PARM1: variants seen among roughly 807,000 people sequenced by gnomAD.
PARM1 encodes prostate androgen-regulated mucin-like protein 1, also known as WSC4, cell wall integrity and stress response component 4 homolog.
A neutral mutation model predicts 24.6 loss-of-function variants in PARM1; 14 were observed. The ratio of observed to expected loss-of-function variants is 0.57; its 90% CI spans 0.38 to 0.89. The LOEUF is 0.89. Among genes scored for constraint, PARM1 ranks in the 40% least tolerant of loss-of-function variants. The pLI is 0.00. For missense variants in PARM1, 362 were observed against 380.4 expected, an observed-to-expected ratio of 0.95 and a Z score of 0.40; for synonymous variants, 179 against 156.6, an observed-to-expected ratio of 1.14 and a Z score of -1.07.
At position 75,012,444 on chromosome 4, in the gene PARM1, G is replaced by A; in HGVS notation, c.63G>A (p.Leu21=). The part of the protein sequence containing the change: ...ILTAGWRVQS[L]PTSAPLSVSL... ...CCACAGGATGGAGGGTACAGAGTCTGCCTACATCAGCTCCTTTGTCTGTTT... is the reference window on the plus strand; with the variant it reads ...CCACAGGATGGAGGGTACAGAGTCTACCTACATCAGCTCCTTTGTCTGTTT... The change falls in exon 2 of 4, where the codon CTG becomes CTA. Residue 21 remains leucine, a synonymous_variant. Transcript: ENST00000307428. 6.2e-7 allele frequency: 1 copy of A among 1,613,792 alleles called. No individual in the cohort carries two copies. The highest frequency in any genetic ancestry group is 8.5e-7 in the Non-Finnish European group (1 of 1,179,824).
At chr4:74,974,352 G>T (rs997158422) in intron 1 of PARM1, among the ~76,000 whole-genome samples, 3 of 152,168 alleles carry the variant, frequency 2.0e-5, no homozygotes, top group African/African-American at 7.2e-5. Flanking sequence ...TGGGTCCCCA[G>T]GTCTCCACTG....
Position 74,937,662 on chromosome 4 carries a change from G to C in PARM1, c.43+4292G>C, listed in dbSNP as rs561705653. On this transcript the variant is annotated intron_variant, in intron 1 of 3. Coordinates refer to ENST00000307428, the MANE Select transcript of PARM1 (RefSeq NM_015393.4). ...CATAGCAAATGCTCAATAAGTGTTA[G>C]CTGTTGTTGTTGCTATTATTTTTAT... 2.0e-5 allele frequency among the ~76,000 whole-genome samples: 3 copies of C among 152,288 alleles called. No homozygotes were observed. The East Asian group carries it at 5.8e-4, about 29-fold the overall frequency.
chr4:74,957,428 C>T (rs1490109437), intron 1 of PARM1: 1 of 152,182 alleles, frequency 6.6e-6, no homozygotes, highest in African/African-American at 2.4e-5. Flanking sequence ...TTACCCAGAA[C>T]AATCCTAATT....
chr4:75,040,729 G>A (rs988943357), intron 3 of PARM1, among the ~76,000 whole-genome samples: 2 of 152,160 alleles, frequency 1.3e-5, no homozygotes, highest in African/African-American at 4.8e-5. Flanking sequence ...TACTATCTTT[G>A]CAGCTTTTCT....
chr4:75,042,696 G>T (rs941207373), intron 3 of PARM1, among the ~76,000 whole-genome samples: 1 of 151,802 alleles, frequency 6.6e-6, no homozygotes, highest in East Asian at 1.9e-4. Context: ...AGTTTTACAT[G>T]CTCACTAATT....
At chr4:75,039,032 G>A (rs907864865) in intron 3 of PARM1, among the ~76,000 whole-genome samples, 1 of 152,190 alleles carries the variant, frequency 6.6e-6, no homozygotes, top group African/African-American at 2.4e-5. Context: ...GTCTTCTAGT[G>A]ATTGCAGGTT....
In PARM1 at chr4:75,012,702, T is replaced by C; in HGVS notation, c.321T>C (p.Ser107=). 1 of 1,613,984 alleles carries C rather than the reference T, an allele frequency of 6.2e-7. No homozygotes were observed. Among genetic ancestry groups the C allele is most frequent in the Non-Finnish European group, 8.5e-7 (1 of 1,179,878 alleles). ...GCACAAACACAGACCCCTCACCTTCTGGGTTCTCGTCAACAAGCGGTGGAG... is the reference window on the plus strand; with the variant it reads ...GCACAAACACAGACCCCTCACCTTCCGGGTTCTCGTCAACAAGCGGTGGAG... The part of the protein sequence containing the change: ...WEGTNTDPSP[S]GFSSTSGGVH... Residue 107 remains serine (S), a synonymous_variant, in exon 2 of 4, where the codon TCT becomes TCC. Transcript: ENST00000307428.
rs1393974526 is a variant in PARM1, at chr4:75,013,165, AGTCCACT to A, written c.769+16_769+22del. 6 of 1,592,472 alleles carry A rather than the reference AGTCCACT, an allele frequency of 3.8e-6. No individual in the cohort carries two copies. Among genetic ancestry groups the A allele is most frequent in the Non-Finnish European group, 3.4e-6 (4 of 1,168,646 alleles). ...ATTAAGTTCAGGTGAGTCTCTATCCAGTCCACTAGTTTTCTTTACTACACCCTCACAT... is the reference window on the plus strand; with the variant it reads ...ATTAAGTTCAGGTGAGTCTCTATCCAAGTTTTCTTTACTACACCCTCACAT... On this transcript the variant is annotated intron_variant, in intron 2 of 3. Coordinates refer to ENST00000307428, the MANE Select transcript of PARM1 (RefSeq NM_015393.4).
In PARM1 at chr4:75,033,849, G is replaced by C. The variant is rs752288126; in HGVS notation, c.770-34G>C. 2.6e-6 allele frequency: 4 copies of C among 1,557,686 alleles called. No individual in the cohort carries two copies. The South Asian group carries it at 4.7e-5, about 18-fold the overall frequency. On this transcript the variant is annotated intron_variant, in intron 2 of 3. Coordinates refer to ENST00000307428, the MANE Select transcript of PARM1 (RefSeq NM_015393.4). ...GTCACATGATGCCCCGTATCCTCAT[G>C]TATCTTCTTTTCTGTGCCCTTCCTC...
At chr4:75,016,664 C>T (rs1378285976) in intron 2 of PARM1, among the ~76,000 whole-genome samples, 1 of 152,148 alleles carries the variant, frequency 6.6e-6, no homozygotes, top group East Asian at 1.9e-4. Context: ...AAAGCACTGG[C>T]TCTGCTCGAC....
chr4:75,035,981 G>T (rs961186484), intron 3 of PARM1, among the ~76,000 whole-genome samples: 1 of 152,070 alleles, frequency 6.6e-6, no homozygotes, highest in African/African-American at 2.4e-5. Flanking sequence ...CAGATACACC[G>T]TATTTTAATT....
intron 1 of PARM1, among the ~76,000 whole-genome samples, chr4:74,961,529 C>A (rs370301288): frequency 6.6e-6 from 1 of 152,020 alleles, no homozygotes; most frequent in Non-Finnish European, 1.5e-5. Flanking sequence ...CTGTTGAAAG[C>A]CAAAGACAAA....
In PARM1 at chr4:75,012,965, C is replaced by T; in HGVS notation, c.584C>T (p.Ser195Phe). The change falls in exon 2 of 4, where the codon TCC becomes TTC. Residue 195 changes from serine (S) to phenylalanine (F), a missense_variant. Transcript: ENST00000307428. ...QPTGAPTAPE[S>F]PTEESSSDHT... ...ACTGGAGCTCCAACTGCACCAGAGT[C>T]CCCGACAGAGGAGTCCAGCTCTGAC... The T allele has an allele frequency of 6.2e-7, 1 of 1,613,968 alleles. No homozygotes were observed. Among genetic ancestry groups the T allele is most frequent in the Non-Finnish European group, 8.5e-7 (1 of 1,179,870 alleles).
intron 1 of PARM1, among the ~76,000 whole-genome samples, chr4:74,961,063 C>A (rs1447823759): frequency 6.7e-6 from 1 of 149,308 alleles, no homozygotes; most frequent in Non-Finnish European, 1.5e-5. Context: ...GTCAAGGAAA[C>A]AATGTATGAA....
chr4:75,033,815 C>A, intron 2 of PARM1, 68 bp from the exon 3 acceptor site: 2 of 1,285,022 alleles, frequency 1.6e-6, no homozygotes, highest in South Asian at 1.4e-5. Flanking sequence ...GGATACTACG[C>A]ACGCCAAAGT....
At chr4:74,941,594 T>G (rs1173606893) in intron 1 of PARM1, among the ~76,000 whole-genome samples, 2 of 152,214 alleles carry the variant, frequency 1.3e-5, no homozygotes, top group African/African-American at 4.8e-5. Flanking sequence ...CTCTTCAAAT[T>G]TATATGAATA....
intron 1 of PARM1, among the ~76,000 whole-genome samples, chr4:74,988,593 AGT>A (rs1028688045): frequency 6.6e-6 from 1 of 152,186 alleles, no homozygotes; most frequent in Non-Finnish European, 1.5e-5. Flanking sequence ...GGATGATAAA[AGT>A]GTTATTGGAC....
chr4:75,033,487 A>G (rs1210927824), intron 2 of PARM1, among the ~76,000 whole-genome samples: 1 of 152,242 alleles, frequency 6.6e-6, no homozygotes, highest in Non-Finnish European at 1.5e-5. Flanking sequence ...AAGATGAGGC[A>G]GAGCCCATAA....
intron 1 of PARM1, among the ~76,000 whole-genome samples, chr4:74,975,312 C>T (rs1722120746): frequency 6.6e-6 from 1 of 152,052 alleles, no homozygotes; most frequent in African/African-American, 2.4e-5. Context: ...TTTGCTTTTC[C>T]CAATCATGTT....
Sources: allele counts gnomAD v4.1 joint callset (sites outside exome capture counted in the v4.1 genomes callset), GRCh38; gene constraint gnomAD v4.1.1; transcripts MANE v1.5; gene names NCBI Gene and HGNC (gene_info 2026-07-23, HGNC 2026-07-21).